UBE2D2: variants seen among roughly 807,000 people sequenced by gnomAD.
UBE2D2 encodes ubiquitin conjugating enzyme E2 D2.
Under a neutral mutation model 24.2 loss-of-function variants are expected in UBE2D2, and 2 were observed. That is an observed-to-expected ratio of 0.08 (90% CI 0.03 to 0.26). The LOEUF (loss-of-function observed/expected upper bound fraction) is 0.26, where lower values mean the gene tolerates loss of function less well. Among genes scored for constraint, UBE2D2 ranks in the 10% least tolerant of loss-of-function variants. The pLI, the probability that UBE2D2 is intolerant of heterozygous loss-of-function variation, is 1.00. For synonymous variants in UBE2D2, 58 were observed against 56.5 expected (o/e 1.03, Z -0.12); for missense variants, 44 against 177.6 (o/e 0.25, Z 4.28).
At chr5:139,594,516 C>T (rs1353226087) in intron 1 of UBE2D2, among the ~76,000 whole-genome samples, 27 of 151,932 alleles carry the variant, frequency 1.8e-4, no homozygotes, top group Admixed American at 1.7e-3. Context: ...CGGGTTCTAG[C>T]GATTCTCCTG....
At chr5:139,550,453 A>G (rs535071300) in intron 1 of UBE2D2, among the ~76,000 whole-genome samples, 2 of 152,300 alleles carry the variant, frequency 1.3e-5, no homozygotes, top group South Asian at 4.1e-4. Flanking sequence ...AAATGGACCA[A>G]TCAGCTCTCT....
intron 2 of UBE2D2, among the ~76,000 whole-genome samples, chr5:139,611,175 C>CTTTTTTTTTTT (rs60626896): frequency 1.2e-4 from 7 of 58,756 alleles, no homozygotes; most frequent in African/African-American, 4.7e-4. Flanking sequence ...AGTTTTCCTT[C>CTTTTTTTTTTT]TTTTTTTTTT....
chr5:139,561,181 GC>G (rs1322720122), upstream of UBE2D2: 5 of 152,650 alleles, frequency 3.3e-5, no homozygotes, highest in African/African-American at 9.6e-5. Flanking sequence ...GCAGCGTCAC[GC>G]CCTCCGGGGC....
At chr5:139,624,740 C>T (rs1017676771) in intron 6 of UBE2D2, among the ~76,000 whole-genome samples, 2 of 152,184 alleles carry the variant, frequency 1.3e-5, no homozygotes, top group African/African-American at 4.8e-5. Context: ...GAAATTGCAC[C>T]ACTGCACTTC....
intron 1 of UBE2D2, among the ~76,000 whole-genome samples, chr5:139,571,126 C>G (rs115324776): frequency 6.6e-6 from 1 of 151,730 alleles, no homozygotes; most frequent in Non-Finnish European, 1.5e-5. Context: ...AACAACAGAT[C>G]GGCTGGGCGC....
intron 1 of UBE2D2, among the ~76,000 whole-genome samples, chr5:139,572,650 T>A (rs900706243): frequency 4.8e-4 from 72 of 149,860 alleles, no homozygotes; most frequent in Non-Finnish European, 8.0e-4. Flanking sequence ...TATTATTCTT[T>A]TTTTTTTTTT....
intron 1 of UBE2D2, among the ~76,000 whole-genome samples, chr5:139,596,194 T>C (rs368024711): frequency 1.3e-5 from 2 of 150,812 alleles, no homozygotes; most frequent in African/African-American, 4.9e-5. Flanking sequence ...GCCTGGCGTT[T>C]CTTGTGTATT....
intron 2 of UBE2D2, among the ~76,000 whole-genome samples, chr5:139,603,393 T>A (rs1453793905): frequency 6.6e-6 from 1 of 152,144 alleles, no homozygotes; most frequent in Non-Finnish European, 1.5e-5. Context: ...ACGTCTGTAA[T>A]CCTAGCACTT....
At chr5:139,601,206 T>C (rs1754065411) in intron 2 of UBE2D2, among the ~76,000 whole-genome samples, 1 of 152,248 alleles carries the variant, frequency 6.6e-6, no homozygotes, top group Non-Finnish European at 1.5e-5. Context: ...TTGTTCCACT[T>C]CATTTCAACA....
chr5:139,590,148 C>A (rs145073004), intron 1 of UBE2D2, among the ~76,000 whole-genome samples: 29 of 152,010 alleles, frequency 1.9e-4, no homozygotes, highest in African/African-American at 7.0e-4. Context: ...TTTACCAAAT[C>A]GTTGTGATAG....
Position 139,561,577 on chromosome 5 carries a change from G to A in UBE2D2, c.-215G>A, listed in dbSNP as rs911257820. 14 of 422,710 alleles carry A rather than the reference G, an allele frequency of 3.3e-5. No homozygotes were observed. Among genetic ancestry groups the A allele is most frequent in the Admixed American group, 3.1e-4 (7 of 22,618 alleles). 26.2% of individuals were successfully genotyped at this position (422,710 alleles called of 1,614,324 possible). A position where few individuals can be genotyped will look rare whatever the true frequency, so the allele number is the denominator to read the frequency against. ...GCGGCTAGGGCGGCGGCGAATAAAG[G>A]GGCCGCCGCCGGGTGATGCGGTGAC... is the stretch of plus-strand genomic sequence containing the variant. On this transcript the variant is annotated 5_prime_UTR_variant, in exon 1 of 7. Coordinates refer to ENST00000398733, the MANE Select transcript of UBE2D2 (RefSeq NM_003339.3).
At chr5:139,569,322 A>T (rs772852508) in intron 1 of UBE2D2, among the ~76,000 whole-genome samples, 51 of 152,200 alleles carry the variant, frequency 3.4e-4, no homozygotes, top group Non-Finnish European at 6.6e-4. Flanking sequence ...TCAAACAGCC[A>T]TCGAGGATAA....
intron 1 of UBE2D2, among the ~76,000 whole-genome samples, chr5:139,541,986 A>G (rs1752767752): frequency 6.6e-6 from 1 of 152,170 alleles, no homozygotes; most frequent in Non-Finnish European, 1.5e-5. Context: ...CAGGAGTTCA[A>G]GACCAGCCTG....
intron 1 of UBE2D2, among the ~76,000 whole-genome samples, chr5:139,540,270 C>T (rs1752737437): frequency 6.6e-6 from 1 of 152,082 alleles, no homozygotes; most frequent in African/African-American, 2.4e-5. Flanking sequence ...ATGAAGGGAA[C>T]ACTGGAACTC....
chr5:139,539,240 G>T (rs1752725992), intron 1 of UBE2D2, among the ~76,000 whole-genome samples: 1 of 151,966 alleles, frequency 6.6e-6, no homozygotes, highest in African/African-American at 2.4e-5. Context: ...GGTCAGGCTG[G>T]TCTCGAAACC....
At chr5:139,596,406 G>A (rs1045605076) in intron 1 of UBE2D2, among the ~76,000 whole-genome samples, 1 of 151,654 alleles carries the variant, frequency 6.6e-6, no homozygotes, top group Non-Finnish European at 1.5e-5. Context: ...CGATTCTCCT[G>A]CCTCAGCCTC....
At chr5:139,585,899 TGC>T (rs1362885047) in intron 1 of UBE2D2, among the ~76,000 whole-genome samples, 2 of 126,434 alleles carry the variant, frequency 1.6e-5, no homozygotes, top group Admixed American at 1.0e-4. Flanking sequence ...ATTGTGCCAC[TGC>T]ACTCCAGCCT....
At chr5:139,571,873 A>G (rs568631695) in intron 1 of UBE2D2, among the ~76,000 whole-genome samples, 1 of 150,046 alleles carries the variant, frequency 6.7e-6, no homozygotes, top group African/African-American at 2.5e-5. Flanking sequence ...TCATACTTCC[A>G]ATCTCTTCTC....
At chr5:139,560,657 C>A (rs1390813217), upstream of UBE2D2, among the ~76,000 whole-genome samples, 2 of 152,156 alleles carry the variant, frequency 1.3e-5, no homozygotes, top group East Asian at 3.8e-4. Flanking sequence ...TTGGGGCACA[C>A]ACTGTGATTT....
Sources: allele counts gnomAD v4.1 joint callset (sites outside exome capture counted in the v4.1 genomes callset), GRCh38; gene constraint gnomAD v4.1.1; transcripts MANE v1.5; gene names NCBI Gene and HGNC (gene_info 2026-07-23, HGNC 2026-07-21).